Variants in CDH12 observed in about 807,000 individuals in gnomAD.
The protein encoded by CDH12 is cadherin-12.
Under a neutral mutation model 74.1 loss-of-function variants are expected in CDH12, and 41 were observed. That is an observed-to-expected ratio of 0.55 (90% CI 0.43 to 0.72). The LOEUF is 0.72. CDH12 is among the 30% of genes least tolerant of loss of function. The pLI, the probability that CDH12 is intolerant of heterozygous loss-of-function variation, is 0.00. For synonymous variants in CDH12, 399 were observed against 355.0 expected (o/e 1.12, Z -1.39); for missense variants, 945 against 977.2 (o/e 0.97, Z 0.44).
At chr5:22,815,218 A>C (rs915433254) in intron 1 of CDH12, among the ~76,000 whole-genome samples, 23 of 152,212 alleles carry the variant, frequency 1.5e-4, no homozygotes, top group Admixed American at 1.2e-3. Flanking sequence ...AAAGAAAAAA[A>C]AATGTAATGC....
At chr5:22,747,569 C>G (rs1215385160) in intron 1 of CDH12, among the ~76,000 whole-genome samples, 1 of 133,744 alleles carries the variant, frequency 7.5e-6, no homozygotes. Flanking sequence ...CTAGATTGCG[C>G]TACTACCCTC....
At chr5:22,711,062 C>T (rs1047096376) in intron 1 of CDH12, among the ~76,000 whole-genome samples, 1 of 137,128 alleles carries the variant, frequency 7.3e-6, no homozygotes, top group African/African-American at 2.6e-5. Context: ...TTCCTTAGTA[C>T]ATTACGCAGT....
At chr5:22,715,749 C>T (rs1025328313) in intron 1 of CDH12, among the ~76,000 whole-genome samples, 1 of 148,078 alleles carries the variant, frequency 6.8e-6, no homozygotes, top group African/African-American at 2.5e-5. Flanking sequence ...TGTAGTGAAC[C>T]AAGATCGCGC....
At chr5:22,176,730 G>C in intron 4 of CDH12, among the ~76,000 whole-genome samples, 1 of 152,022 alleles carries the variant, frequency 6.6e-6, no homozygotes, top group Non-Finnish European at 1.5e-5. Flanking sequence ...TCTTCCACAG[G>C]GGAGTGGGAG....
chr5:21,866,881 A>G (rs1340727116), intron 6 of CDH12, among the ~76,000 whole-genome samples: 3 of 152,168 alleles, frequency 2.0e-5, no homozygotes, highest in Non-Finnish European at 4.4e-5. Flanking sequence ...AGGAAAAAAA[A>G]TGGTTTTGTG....
intron 3 of CDH12, among the ~76,000 whole-genome samples, chr5:22,300,407 TC>T (rs141759553): frequency 0.04 from 6,077 of 152,250 alleles, 426 homozygotes; most frequent in African/African-American, 0.14. Flanking sequence ...GGATGTTTCT[TC>T]CATCTGAAGT....
Position 21,953,699 on chromosome 5 carries a change from A to G in CDH12, c.526+21392T>C, listed in dbSNP as rs1423690150. Among the ~76,000 whole-genome samples, 11 of 152,326 alleles carry G rather than the reference A, an allele frequency of 7.2e-5. No homozygotes were observed. The East Asian group carries it at 2.1e-3, about 29-fold the overall frequency. ...ATGTAGCTTGTGGTGGCATGGTTGA[A>G]AAACTTCTGCACTTTATGATTCCTC... On this transcript the variant is annotated intron_variant, in intron 6 of 14. Transcript: ENST00000382254.
At chr5:22,172,690 A>C (rs1749101762) in intron 4 of CDH12, among the ~76,000 whole-genome samples, 2 of 151,876 alleles carry the variant, frequency 1.3e-5, no homozygotes, top group South Asian at 4.1e-4. Context: ...TCTGTTGGGT[A>C]GATGACTGTA....
At chr5:22,151,433 A>G (rs1043919388) in intron 4 of CDH12, among the ~76,000 whole-genome samples, 2 of 152,226 alleles carry the variant, frequency 1.3e-5, no homozygotes, top group African/African-American at 4.8e-5. Context: ...GATCAAGTTG[A>G]TAAGCCATTC....
intron 5 of CDH12, among the ~76,000 whole-genome samples, chr5:22,048,017 A>T (rs1740082715): frequency 6.6e-6 from 1 of 152,056 alleles, no homozygotes; most frequent in Non-Finnish European, 1.5e-5. Flanking sequence ...TGTTCTATGG[A>T]GGGCTGTCAA....
intron 4 of CDH12, among the ~76,000 whole-genome samples, chr5:22,117,463 TATATA>T (rs1163429931): frequency 4.6e-5 from 3 of 65,028 alleles, no homozygotes; most frequent in Admixed American, 2.4e-4. Context: ...ATATATTATA[TATATA>T]ATATATATAT....
intron 1 of CDH12, among the ~76,000 whole-genome samples, chr5:22,527,962 C>CT (rs1737364498): frequency 6.6e-6 from 1 of 152,150 alleles, no homozygotes; most frequent in African/African-American, 2.4e-5. Flanking sequence ...GCACCTGCTG[C>CT]TATTCCACAC....
At chr5:22,331,090 C>G (rs187393439) in intron 3 of CDH12, among the ~76,000 whole-genome samples, 4 of 152,308 alleles carry the variant, frequency 2.6e-5, no homozygotes, top group African/African-American at 9.6e-5. Context: ...GAAAAAATAA[C>G]AAGACTGGCT....
chr5:21,885,138 C>T (rs1290168222), intron 6 of CDH12, among the ~76,000 whole-genome samples: 1 of 152,112 alleles, frequency 6.6e-6, no homozygotes, highest in African/African-American at 2.4e-5. Flanking sequence ...CCACTTGTCT[C>T]AGCCTCCCAA....
At chr5:22,224,464 T>C (rs1304030025) in intron 3 of CDH12, among the ~76,000 whole-genome samples, 1 of 152,102 alleles carries the variant, frequency 6.6e-6, no homozygotes, top group Non-Finnish European at 1.5e-5. Context: ...CCCATTGTTC[T>C]GTTCTTTTGT....
chr5:22,486,676 A>T (rs953039376), intron 2 of CDH12, among the ~76,000 whole-genome samples: 3 of 151,546 alleles, frequency 2.0e-5, no homozygotes, highest in Middle Eastern at 6.8e-3. Flanking sequence ...CTGGTCTTGA[A>T]CTCTGACCTC....
chr5:21,961,956 G>A (rs1263270430), intron 6 of CDH12, among the ~76,000 whole-genome samples: 1 of 152,036 alleles, frequency 6.6e-6, no homozygotes, highest in Non-Finnish European at 1.5e-5. Context: ...TCTTATTTGG[G>A]TGATGTTCTC....
intron 3 of CDH12, among the ~76,000 whole-genome samples, chr5:22,286,670 T>A (rs1472829474): frequency 3.1e-5 from 2 of 64,882 alleles, no homozygotes; most frequent in Non-Finnish European, 5.9e-5. Flanking sequence ...AGTTTCATTC[T>A]TTCTTTCCTT....
chr5:22,359,100 G>A (rs1361101985), intron 3 of CDH12, among the ~76,000 whole-genome samples: 1 of 151,984 alleles, frequency 6.6e-6, no homozygotes, highest in African/African-American at 2.4e-5. Context: ...AAATGTAAAT[G>A]GGCTAAATGC....
Sources: allele counts gnomAD v4.1 joint callset (sites outside exome capture counted in the v4.1 genomes callset), GRCh38; gene constraint gnomAD v4.1.1; transcripts MANE v1.5; gene names NCBI Gene and HGNC (gene_info 2026-07-23, HGNC 2026-07-21).